Variants in FANCI observed in about 807,000 individuals in gnomAD.
FANCI encodes Fanconi anemia group I protein.
FANCI carries 156 observed loss-of-function variants against 176.1 expected under a neutral mutation model. That is an observed-to-expected ratio of 0.89 (90% CI 0.78 to 1.01). The LOEUF (loss-of-function observed/expected upper bound fraction) is 1.01. Ranked by LOEUF, FANCI falls within the 50% of genes least tolerant of loss-of-function variation. The probability of loss-of-function intolerance (pLI) is 0.00; values close to 1 mark genes in which losing one functional copy is unlikely to be tolerated. For missense variants in FANCI, 1,678 were observed against 1,534.1 expected, an observed-to-expected ratio of 1.09 and a Z score of -1.57; for synonymous variants, 613 against 541.7, an observed-to-expected ratio of 1.13 and a Z score of -1.83.
intron 24 of FANCI, among the ~76,000 whole-genome samples, chr15:89,299,459 A>G (rs1210796515): frequency 6.6e-6 from 1 of 152,220 alleles, no homozygotes; most frequent in African/African-American, 2.4e-5. Flanking sequence ...ACTGCATAGC[A>G]ATATCCCTGA....
rs144800324 is a variant in FANCI at position 89,292,718 on chromosome 15, T to C, written c.2023T>C (p.Leu675=). The change falls in exon 21 of 38, where the codon TTG becomes CTG. Residue 675 remains leucine (L), a synonymous_variant. Coordinates refer to ENST00000310775, the MANE Select transcript of FANCI (RefSeq NM_001113378.2). The stretch of plus-strand genomic sequence containing the variant: ...TCTGCTGTGTTGTATTCAGCATTGT[T>C]TGGCCTGGTATAAGAATACAGTCAT... ...DYLLCCIQHC[L]AWYKNTVIPL... The C allele has an allele frequency of 1.4e-4, 220 of 1,613,732 alleles. No individual in the cohort carries two copies. Among genetic ancestry groups the C allele is most frequent in the Non-Finnish European group, 1.8e-4 (215 of 1,179,978 alleles).
chr15:89,286,841 T>G (rs931264668), intron 18 of FANCI, among the ~76,000 whole-genome samples: 1 of 152,172 alleles, frequency 6.6e-6, no homozygotes, highest in African/African-American at 2.4e-5. Flanking sequence ...AGATAAAGTC[T>G]TCTTCCAATA....
intron 32 of FANCI, 28 bp from the exon 33 acceptor site, chr15:89,307,448 A>C (rs1470372431): frequency 6.2e-7 from 1 of 1,605,780 alleles, no homozygotes; most frequent in African/African-American, 1.3e-5. Flanking sequence ...AGGACAGTCT[A>C]CTAAATCTAG....
intron 25 of FANCI, 125 bp downstream of exon 25, chr15:89,300,091 T>A (rs934107838): frequency 1.2e-5 from 14 of 1,156,064 alleles, no homozygotes; most frequent in Non-Finnish European, 1.8e-5. Flanking sequence ...AGGAGTGACA[T>A]CTAGTGGATT....
At chr15:89,255,766 C>A (rs148765190) in intron 2 of FANCI, among the ~76,000 whole-genome samples, 1 of 152,162 alleles carries the variant, frequency 6.6e-6, no homozygotes, top group Non-Finnish European at 1.5e-5. Context: ...ATCTTACTTG[C>A]TCTATTTCTG....
chr15:89,286,345 A>G (rs995348227), intron 18 of FANCI, among the ~76,000 whole-genome samples: 5 of 152,306 alleles, frequency 3.3e-5, no homozygotes, highest in Admixed American at 2.6e-4. Context: ...TGGGTTTTCA[A>G]CAGTTTACTG....
rs879415955 is a variant in FANCI, at chr15:89,309,377, C to CA, written c.3651+1715dup. 1.1e-3 allele frequency among the ~76,000 whole-genome samples: 156 copies of CA among 146,988 alleles called. 1 individual carries two copies. In the South Asian group the frequency reaches 0.016, roughly 15 times the overall value. On this transcript the variant is annotated intron_variant, in intron 34 of 37. Transcript: ENST00000310775. ...ATGCTATATAGACTGAGACAGTCCT[C>CA]AAAAAAAAAAGGAATTCAGGGAGAG... is the stretch of plus-strand genomic sequence containing the variant.
At chr15:89,296,656 C>G (rs933001237) in intron 24 of FANCI, among the ~76,000 whole-genome samples, 3 of 152,186 alleles carry the variant, frequency 2.0e-5, no homozygotes, top group Admixed American at 1.3e-4. Context: ...TCCCCCCTTT[C>G]TATTCCACAA....
intron 9 of FANCI, among the ~76,000 whole-genome samples, chr15:89,267,381 T>C (rs1433593585): frequency 6.6e-6 from 1 of 150,846 alleles, no homozygotes; most frequent in Non-Finnish European, 1.5e-5. Context: ...CCCTGGAAGC[T>C]AAGAGAAGAA....
At chr15:89,264,798 C>G in intron 9 of FANCI, 191 bp downstream of exon 9, 1 of 534,750 alleles carries the variant, frequency 1.9e-6, no homozygotes. Flanking sequence ...TTTCACCTTT[C>G]CAGGAAAATA....
intron 18 of FANCI, 75 bp downstream of exon 18, chr15:89,285,293 T>C: frequency 6.4e-7 from 1 of 1,564,290 alleles, no homozygotes; most frequent in Non-Finnish European, 8.7e-7. Flanking sequence ...TTTTCCTGAT[T>C]ATAAAAGTAC....
intron 9 of FANCI, among the ~76,000 whole-genome samples, chr15:89,266,004 T>C (rs2052936838): frequency 1.3e-5 from 2 of 150,834 alleles, no homozygotes; most frequent in South Asian, 4.2e-4. Flanking sequence ...ATTTCTTTTT[T>C]TTTTTTTTTT....
rs756006541 is a variant in FANCI at position 89,305,165 on chromosome 15, G to A, written c.3109G>A (p.Val1037Ile). 2 of 1,614,216 alleles carry A rather than the reference G, an allele frequency of 1.2e-6. No homozygotes were observed. The highest frequency in any genetic ancestry group is 1.7e-6 in the Non-Finnish European group (2 of 1,180,036). Reference sequence around the variant, plus strand: ...GATGAACTTGCTCTTCAGCCTGCATGTTTCGTATAAGAGTCCTGTCATTCT... The same window carrying A: ...GATGAACTTGCTCTTCAGCCTGCATATTTCGTATAAGAGTCCTGTCATTCT... ...SLMNLLFSLH[V>I]SYKSPVILLR... The change falls in exon 29 of 38, where the codon GTT (valine) becomes ATT (isoleucine). Residue 1037 changes from valine (V) to isoleucine (I), a missense_variant. Coordinates refer to ENST00000310775, the MANE Select transcript of FANCI (RefSeq NM_001113378.2).
chr15:89,305,505 G>T, intron 30 of FANCI, 96 bp downstream of exon 30: 1 of 1,603,592 alleles, frequency 6.2e-7, no homozygotes, highest in Non-Finnish European at 8.5e-7. Context: ...CTTGTGTCCT[G>T]AGGCCTGTAA....
Position 89,278,726 on chromosome 15 carries a change from C to T in FANCI, c.1333C>T (p.Leu445Phe), listed in dbSNP as rs2053498951. Residue 445 changes from leucine (L) to phenylalanine (F), a missense_variant, in exon 14 of 38, where the codon CTC becomes TTC. Around this residue, in one of 3 missense-constraint regions of FANCI, gnomAD observed 1,204 missense variants for 1,077.4 expected, o/e 1.12. Coordinates refer to ENST00000310775, the MANE Select transcript of FANCI (RefSeq NM_001113378.2). ...CAGACAAGAAATTTTGGAGCAGGTC[C>T]TCAACAGGGTTGTTACCAGAGCATC... ...MIRQEILEQV[L>F]NRVVTRASSP... 1.2e-6 allele frequency: 2 copies of T among 1,613,964 alleles called. No homozygotes were observed. The highest frequency in any genetic ancestry group is 1.7e-4 in the Middle Eastern group (1 of 6,060).
intron 18 of FANCI, among the ~76,000 whole-genome samples, chr15:89,285,886 T>C (rs894116025): frequency 6.6e-6 from 1 of 152,212 alleles, no homozygotes; most frequent in African/African-American, 2.4e-5. Context: ...CAAAAATCTT[T>C]TAGATAGCTT....
intron 23 of FANCI, among the ~76,000 whole-genome samples, chr15:89,294,498 T>A (rs899514506): frequency 6.6e-6 from 1 of 151,994 alleles, no homozygotes; most frequent in African/African-American, 2.4e-5. Flanking sequence ...GGCAGGAGAC[T>A]CACTTGAACC....
At position 89,252,796 on chromosome 15, in the gene FANCI, A is replaced by G. The variant is rs569473513; in HGVS notation, c.84+5065A>G. 5.8e-4 allele frequency among the ~76,000 whole-genome samples: 89 copies of G among 152,334 alleles called. 1 individual carries two copies. In the South Asian group the frequency reaches 7.9e-3, roughly 13 times the overall value. Reference sequence around the variant, plus strand: ...TCCAAAACCCATGCGAAAAAAAACTATGAAACACTTCTGAAGGACAAAGTA... The same window carrying G: ...TCCAAAACCCATGCGAAAAAAAACTGTGAAACACTTCTGAAGGACAAAGTA... On this transcript the variant is annotated intron_variant, in intron 2 of 37. Coordinates refer to ENST00000310775, the MANE Select transcript of FANCI (RefSeq NM_001113378.2).
intron 19 of FANCI, among the ~76,000 whole-genome samples, chr15:89,291,159 A>G (rs1432747860): frequency 6.6e-6 from 1 of 152,232 alleles, no homozygotes; most frequent in Non-Finnish European, 1.5e-5. Context: ...TATATGCCAA[A>G]TACTGTTTGA....
Sources: gnomAD v4.1 joint callset for allele counts (sites outside exome capture counted in the v4.1 genomes callset) on GRCh38, gnomAD v4.1.1 for gene constraint, gnomAD v4.1.1 regional missense constraint, MANE v1.5 for transcripts, NCBI Gene and HGNC (gene_info 2026-07-23, HGNC 2026-07-21) for gene names.